Variants in NTRK1 observed in about 807,000 individuals in gnomAD.
The protein encoded by NTRK1 is neurotrophic receptor tyrosine kinase 1, also known as high affinity nerve growth factor receptor.
Under a neutral mutation model 86.8 loss-of-function variants are expected in NTRK1, and 62 were observed. The observed-to-expected ratio is 0.71, with a 90% confidence interval of 0.58 to 0.88. NTRK1 has a LOEUF of 0.88. NTRK1 is among the 40% of genes least tolerant of loss of function. The pLI is 0.00. For missense variants in NTRK1, 967 were observed against 1,078.4 expected (o/e 0.90, Z 1.45); for synonymous variants, 469 against 456.6 (o/e 1.03, Z -0.35).
At chr1:156,880,453 A>ATAAAATT in intron 16 of NTRK1, 1 of 463,144 alleles carries the variant, frequency 2.2e-6, no homozygotes. Flanking sequence ...TTATAGACCT[A>ATAAAATT]AGCAGGAATT....
At chr1:156,847,871 G>A (rs982137349) in intron 2 of NTRK1, among the ~76,000 whole-genome samples, 4 of 152,162 alleles carry the variant, frequency 2.6e-5, no homozygotes, top group African/African-American at 9.7e-5. Context: ...TCTGCTCTTT[G>A]AGCCCAGAGA....
At chr1:156,842,337 C>T in intron 2 of NTRK1, 2 of 1,612,936 alleles carry the variant, frequency 1.2e-6, no homozygotes, top group Admixed American at 1.7e-5. Flanking sequence ...CAGAACTGGC[C>T]CCCACCTCCC....
At chr1:156,820,564 T>C (rs1300863261) in intron 1 of NTRK1, among the ~76,000 whole-genome samples, 1 of 152,230 alleles carries the variant, frequency 6.6e-6, no homozygotes, top group African/African-American at 2.4e-5. Context: ...TGTATGTTTT[T>C]GTATGCTTTG....
At chr1:156,844,828 A>G (rs1349621348) in intron 2 of NTRK1, 9 of 1,614,036 alleles carry the variant, frequency 5.6e-6, no homozygotes, top group Non-Finnish European at 7.6e-6. Flanking sequence ...CTTTCCTGGA[A>G]TACCATCAGC....
At chr1:156,869,360 G>A (rs1450875791) in intron 6 of NTRK1, among the ~76,000 whole-genome samples, 1 of 152,040 alleles carries the variant, frequency 6.6e-6, no homozygotes, top group South Asian at 2.1e-4. Context: ...TTACAGGTGT[G>A]AGCCACTGTG....
rs749098508 is a variant in NTRK1, at chr1:156,845,100, C to T, written c.50+2907C>T. On this transcript the variant is annotated intron_variant, in intron 2 of 16. Transcript: ENST00000392302. ...CTGTGGGGCATGGTGCGCGCAAAGA[C>T]GAAGGTGGCGGCGCTGCAGCCCACG... The T allele has an allele frequency of 3.1e-6, 5 of 1,610,166 alleles. No individual in the cohort carries two copies. In the South Asian group the frequency reaches 5.5e-5, roughly 18 times the overall value.
rs2768756 is a variant in NTRK1 at position 156,879,002 on chromosome 1, C to T, written c.1806-120C>T. The stretch of plus-strand genomic sequence containing the variant: ...CAGCTGCCTCTACTGTTCTCTCAAT[C>T]CTCCACTTCCAGGTCCCCAGTCTCC... On this transcript the variant is annotated intron_variant, in intron 14 of 16. Transcript: ENST00000524377. 0.64 allele frequency: 753,370 copies of T among 1,181,146 alleles called. 261,817 individuals are homozygous for T. Among genetic ancestry groups the T allele is most frequent in the Non-Finnish European group, 0.72 (600,237 of 832,524 alleles). 73.2% of individuals were successfully genotyped at this position (1,181,146 alleles called of 1,614,324 possible). A position where few individuals can be genotyped will look rare whatever the true frequency, so the allele number is the denominator to read the frequency against.
intron 7 of NTRK1, 76 bp from the exon 8 acceptor site, chr1:156,873,557 G>T (rs1647693408): frequency 7.8e-7 from 1 of 1,287,926 alleles, no homozygotes. Context: ...CGCTTTGCCC[G>T]TGGACTTGTC....
At position 156,874,600 on chromosome 1, in the gene NTRK1, GAGA is replaced by G. The variant is rs768558242; in HGVS notation, c.1231_1233del (p.Lys411del). 6 of 1,614,014 alleles carry G rather than the reference GAGA, an allele frequency of 3.7e-6. No homozygotes were observed. Among genetic ancestry groups the G allele is most frequent in the African/African-American group, 2.7e-5 (2 of 74,938 alleles). ...TAACAGCACATCTGGAGACCCGGTG[GAGA>G]AGAAGGACGAAACACCTTTTGGGGT... On this transcript the variant is annotated inframe_deletion, in exon 10 of 17. Coordinates refer to ENST00000524377, the MANE Select transcript of NTRK1 (RefSeq NM_002529.4).
In NTRK1 at chr1:156,860,946, C is replaced by A. The variant is rs757229319; in HGVS notation, c.12C>A (p.Gly4=). The part of the protein sequence containing the change: MLR[G]GRRGQLGWHS... ...CGGGCGCCGCCGCGATGCTGCGAGG[C>A]GGACGGCGCGGGCAGCTTGGCTGGC... The change falls in exon 1 of 17, where the codon GGC becomes GGA. Residue 4 remains glycine, a synonymous_variant. Coordinates refer to ENST00000524377, the MANE Select transcript of NTRK1 (RefSeq NM_002529.4). 1 of 1,492,450 alleles carries A rather than the reference C, an allele frequency of 6.7e-7. No individual in the cohort carries two copies. Among genetic ancestry groups the A allele is most frequent in the Non-Finnish European group, 8.9e-7 (1 of 1,129,706 alleles). 92.5% of individuals were successfully genotyped at this position (1,492,450 alleles called of 1,614,324 possible).
chr1:156,825,939 G>A (rs1237636601), intron 1 of NTRK1, among the ~76,000 whole-genome samples: 1 of 152,170 alleles, frequency 6.6e-6, no homozygotes, highest in East Asian at 1.9e-4. Flanking sequence ...CTGAGACTTG[G>A]GGAGGTTAAA....
At chr1:156,864,638 C>T (rs951571114) in intron 2 of NTRK1, 90 bp from the exon 3 acceptor site, 2 of 1,421,002 alleles carry the variant, frequency 1.4e-6, no homozygotes, top group Admixed American at 3.6e-5. Context: ...GGGTTCAGCA[C>T]AGGGGACTGG....
chr1:156,840,722 C>A (rs1168640290), intron 1 of NTRK1: 2 of 660,984 alleles, frequency 3.0e-6, no homozygotes, highest in Non-Finnish European at 5.4e-6. Context: ...CTGCCCACCC[C>A]CACAGCCTTC....
chr1:156,871,518 T>A, intron 6 of NTRK1, 105 bp from the exon 7 acceptor site: 4 of 1,176,444 alleles, frequency 3.4e-6, no homozygotes, highest in African/African-American at 1.5e-5. Flanking sequence ...CTCCCAGCCC[T>A]CCTCTCCTTT....
intron 1 of NTRK1, among the ~76,000 whole-genome samples, chr1:156,825,723 T>G (rs969557563): frequency 1.3e-5 from 2 of 152,198 alleles, no homozygotes; most frequent in Non-Finnish European, 2.9e-5. Flanking sequence ...TTAGCTTCTG[T>G]CACACAATAA....
At chr1:156,857,053 T>C (rs568845239), upstream of NTRK1, among the ~76,000 whole-genome samples, 85 of 151,922 alleles carry the variant, frequency 5.6e-4, 1 homozygote, top group Non-Finnish European at 9.0e-4. Flanking sequence ...CCATTCCTGA[T>C]AGTTTGTTAA....
At chr1:156,851,022 T>C (rs12140486) in intron 2 of NTRK1, among the ~76,000 whole-genome samples, 8,327 of 152,310 alleles carry the variant, frequency 0.055, 278 homozygotes, top group Non-Finnish European at 0.063. Flanking sequence ...GTAATTTATA[T>C]TGTATATACT....
chr1:156,820,133 C>T (rs1323603491), intron 1 of NTRK1, among the ~76,000 whole-genome samples: 4 of 152,126 alleles, frequency 2.6e-5, no homozygotes, highest in African/African-American at 7.2e-5. Flanking sequence ...TTTAATACAT[C>T]TTGAGTTGAT....
At chr1:156,835,007 G>C (rs1654562085) in intron 1 of NTRK1, among the ~76,000 whole-genome samples, 1 of 152,134 alleles carries the variant, frequency 6.6e-6, no homozygotes, top group Admixed American at 6.5e-5. Context: ...GAAATGGGAG[G>C]GTGTGGGAAC....
Sources: allele counts gnomAD v4.1 joint callset (sites outside exome capture counted in the v4.1 genomes callset), GRCh38; gene constraint gnomAD v4.1.1; transcripts MANE v1.5; gene names NCBI Gene and HGNC (gene_info 2026-07-23, HGNC 2026-07-21).